The following FOXK1 variants were observed in gnomAD, a reference collection of about 807,000 sequenced individuals.
FOXK1 encodes forkhead box protein K1.
A neutral mutation model predicts 51.9 loss-of-function variants in FOXK1; 19 were observed. The observed-to-expected ratio is 0.37, with a 90% CI of 0.26 to 0.54. The LOEUF (loss-of-function observed/expected upper bound fraction) is 0.54. Among genes scored for constraint, FOXK1 ranks in the 20% least tolerant of loss-of-function variants. The pLI is 0.87. For synonymous variants in FOXK1, 537 were observed against 482.6 expected (o/e 1.11, Z -1.48); for missense variants, 870 against 1,032.7 (o/e 0.84, Z 2.16).
intron 1 of FOXK1, among the ~76,000 whole-genome samples, chr7:4,704,450 CAAAAAA>C (rs3050383): frequency 1.5e-5 from 1 of 66,476 alleles, no homozygotes; most frequent in Non-Finnish European, 3.1e-5. Flanking sequence ...GACTCTGTCT[CAAAAAA>C]AAAAAAAAAA....
chr7:4,698,983 C>T (rs1356595186), intron 1 of FOXK1, among the ~76,000 whole-genome samples: 1 of 152,158 alleles, frequency 6.6e-6, no homozygotes, highest in Non-Finnish European at 1.5e-5. Flanking sequence ...CCACTGTGCC[C>T]GGCCCACATA....
Position 4,733,244 on chromosome 7 carries a change from G to A in FOXK1, c.561-7594G>A, listed in dbSNP as rs1379333791. ...GGTTCTTGCTGTGTTGCCCAGGCTGGTTTCAAACTCCTGGGCTCAAGCAAT... is the reference window on the plus strand; with the variant it reads ...GGTTCTTGCTGTGTTGCCCAGGCTGATTTCAAACTCCTGGGCTCAAGCAAT... On this transcript the variant is annotated intron_variant, in intron 1 of 8. Coordinates refer to ENST00000328914, the MANE Select transcript of FOXK1 (RefSeq NM_001037165.2). This position sits in a 1 kb window ranked among gnomAD's most constrained non-coding sequence, Gnocchi z 5.0. 1.3e-4 allele frequency among the ~76,000 whole-genome samples: 20 copies of A among 151,704 alleles called. No homozygotes were observed. The highest frequency in any genetic ancestry group is 1.3e-3 in the Admixed American group (20 of 15,226).
At chr7:4,717,840 G>A (rs1458493555) in intron 1 of FOXK1, among the ~76,000 whole-genome samples, 1 of 152,190 alleles carries the variant, frequency 6.6e-6, no homozygotes, top group Non-Finnish European at 1.5e-5. Context: ...GGTGAAGACC[G>A]ACCACCGCCG....
chr7:4,728,812 G>A (rs1383994391), intron 1 of FOXK1, among the ~76,000 whole-genome samples: 1 of 151,970 alleles, frequency 6.6e-6, no homozygotes, highest in South Asian at 2.1e-4. Flanking sequence ...GGAATTCAAG[G>A]AAGGCTGCCT....
intron 1 of FOXK1, among the ~76,000 whole-genome samples, chr7:4,732,865 C>A (rs1780499485): frequency 6.6e-6 from 1 of 152,202 alleles, no homozygotes; most frequent in Non-Finnish European, 1.5e-5. Context: ...GTGCCTCTTT[C>A]CCATAGCGCA....
rs746020435 is a variant in FOXK1 at position 4,722,849 on chromosome 7, G to A, written c.561-17989G>A. Among the ~76,000 whole-genome samples the A allele has an allele frequency of 3.3e-5, 5 of 152,078 alleles. No individual in the cohort carries two copies. Among genetic ancestry groups the A allele is most frequent in the Admixed American group, 6.6e-5 (1 of 15,246 alleles). ...TGTGCACCTTCTCCATCCCTCTCTC[G>A]TTTGGGCTCCGGTTCCCGCAGAATT... On this transcript the variant is annotated intron_variant, in intron 1 of 8. Coordinates refer to ENST00000328914, the MANE Select transcript of FOXK1 (RefSeq NM_001037165.2). The surrounding 1 kb of genome is among the most constrained non-coding windows in gnomAD (Gnocchi z 5.1).
chr7:4,757,175 C>A lies in FOXK1; in HGVS notation c.1232C>A (p.Pro411His). ...GVSCFRTPFG[P>H]LSSRSAPASP... ...TCCTGCTTCCGCACCCCCTTCGGGC[C>A]TCTGTCCTCAAGGTAAAGTTCTCTG... is the stretch of plus-strand genomic sequence containing the variant. Residue 411 changes from proline to histidine, a missense_variant, in exon 5 of 9, where the codon CCT becomes CAT. Pro to His is a moderately conservative substitution (Grantham distance 77). This residue lies in a region of FOXK1 where 457 missense variants were observed against 510.8 expected (regional missense o/e 0.89). Transcript: ENST00000328914. 1 of 1,606,602 alleles carries A rather than the reference C, an allele frequency of 6.2e-7. No homozygotes were observed. The highest frequency in any genetic ancestry group is 2.1e-4 in the Middle Eastern group (1 of 4,680).
chr7:4,710,990 A>C (rs990343033), intron 1 of FOXK1, among the ~76,000 whole-genome samples: 2 of 152,200 alleles, frequency 1.3e-5, no homozygotes, highest in African/African-American at 4.8e-5. Context: ...GGTTCTGGGA[A>C]GCCCCATCAC....
intron 1 of FOXK1, among the ~76,000 whole-genome samples, chr7:4,724,977 AGAG>A (rs1251195944): frequency 1.3e-5 from 2 of 152,182 alleles, no homozygotes; most frequent in Admixed American, 6.5e-5. Context: ...GGGGACAGGG[AGAG>A]GAGAAGTGGG....
chr7:4,752,329 A>T (rs1780790227), intron 2 of FOXK1, among the ~76,000 whole-genome samples: 1 of 151,748 alleles, frequency 6.6e-6, no homozygotes, highest in South Asian at 2.1e-4. Flanking sequence ...ATTTTTGTAG[A>T]GATGGGGGTG....
At chr7:4,746,936 C>A (rs1162458726) in intron 2 of FOXK1, among the ~76,000 whole-genome samples, 1 of 152,208 alleles carries the variant, frequency 6.6e-6, no homozygotes, top group African/African-American at 2.4e-5. Context: ...TGTCTTTTCC[C>A]AGCTGAGAAC....
chr7:4,737,319 G>A (rs1780565628), intron 1 of FOXK1, among the ~76,000 whole-genome samples: 1 of 152,208 alleles, frequency 6.6e-6, no homozygotes, highest in Non-Finnish European at 1.5e-5. Context: ...GATTTGCAGT[G>A]GTTGAGGGAA....
chr7:4,705,542 T>A (rs1430985959), intron 1 of FOXK1, among the ~76,000 whole-genome samples: 1 of 147,384 alleles, frequency 6.8e-6, no homozygotes, highest in Non-Finnish European at 1.5e-5. Flanking sequence ...TCTCTCTCTC[T>A]CTCTCTCTCT....
In FOXK1 at chr7:4,735,423, C is replaced by G. The variant is rs1039311159; in HGVS notation, c.561-5415C>G. The stretch of plus-strand genomic sequence containing the variant: ...TCCAGTCCGTGGTTTTCAGCGCATT[C>G]GCAGAGTTGCGCGGCCACCAAGTCA... On this transcript the variant is annotated intron_variant, in intron 1 of 8. Coordinates refer to ENST00000328914, the MANE Select transcript of FOXK1 (RefSeq NM_001037165.2). The surrounding 1 kb of genome is among the most constrained non-coding windows in gnomAD (Gnocchi z 4.7). Among the ~76,000 whole-genome samples the G allele has an allele frequency of 1.3e-5, 2 of 152,206 alleles. No individual in the cohort carries two copies. Among genetic ancestry groups the G allele is most frequent in the Non-Finnish European group, 2.9e-5 (2 of 68,048 alleles).
In FOXK1 at chr7:4,735,342, A is replaced by G. The variant is rs573270240; in HGVS notation, c.561-5496A>G. On this transcript the variant is annotated intron_variant, in intron 1 of 8. Coordinates refer to ENST00000328914, the MANE Select transcript of FOXK1 (RefSeq NM_001037165.2). The surrounding 1 kb of genome is among the most constrained non-coding windows in gnomAD (Gnocchi z 4.7). Reference sequence around the variant, plus strand: ...AGCTTTTGGGCAAGAATTCTCCCCAAAAACAGCTTGCCTGAGATCGACTGC... The same window carrying G: ...AGCTTTTGGGCAAGAATTCTCCCCAGAAACAGCTTGCCTGAGATCGACTGC... 2.0e-5 allele frequency among the ~76,000 whole-genome samples: 3 copies of G among 152,304 alleles called. 1 individual carries two copies. The East Asian group carries it at 5.8e-4, about 29-fold the overall frequency.
rs775099211 is a variant in FOXK1 at position 4,704,834 on chromosome 7, C to CTTTTTTTTTTTTTTTTT, written c.560+21981_560+21982insTTTTTTTTTTTTTTTTT. Among the ~76,000 whole-genome samples the CTTTTTTTTTTTTTTTTT allele has an allele frequency of 4.7e-4, 62 of 131,378 alleles. 9 individuals carry two copies. Among genetic ancestry groups the CTTTTTTTTTTTTTTTTT allele is most frequent in the African/African-American group, 1.9e-3 (60 of 31,070 alleles). The allele number at this position is 131,378 out of a possible 152,430, so 86.2% of individuals were successfully genotyped here. A position where few individuals can be genotyped will look rare whatever the true frequency, so the allele number is the denominator to read the frequency against. Reference sequence around the variant, plus strand: ...CTCCCAAACCAATCTATGTTTCATTCTTTTTTTTTTTTTTTGAGAAAAAGT... The same window carrying CTTTTTTTTTTTTTTTTT: ...CTCCCAAACCAATCTATGTTTCATTCTTTTTTTTTTTTTTTTTTTTTTTTTTTTTTTTGAGAAAAAGT... On this transcript the variant is annotated intron_variant, in intron 1 of 8. Coordinates refer to ENST00000328914, the MANE Select transcript of FOXK1 (RefSeq NM_001037165.2).
In FOXK1 at chr7:4,766,219, C is replaced by G. The variant is rs745976747; in HGVS notation, c.*3755C>G. ...ACCTCAACGTTAATCCCTCACCAGT[C>G]GGGCCGAGTGTGGCCTCATGGTTCT... On this transcript the variant is annotated 3_prime_UTR_variant, in exon 9 of 9. Transcript: ENST00000328914. The surrounding 1 kb of genome is among the most constrained non-coding windows in gnomAD (Gnocchi z 5.5). The G allele has an allele frequency of 6.6e-6, 1 of 152,204 alleles. No individual in the cohort carries two copies. Among genetic ancestry groups the G allele is most frequent in the East Asian group, 1.9e-4 (1 of 5,180 alleles). 9.4% of individuals were successfully genotyped at this position (152,204 alleles called of 1,614,324 possible).
Position 4,735,467 on chromosome 7 carries a change from G to A in FOXK1, c.561-5371G>A, listed in dbSNP as rs1780540366. Among the ~76,000 whole-genome samples the A allele has an allele frequency of 6.6e-6, 1 of 152,136 alleles. No homozygotes were observed. Among genetic ancestry groups the A allele is most frequent in the Non-Finnish European group, 1.5e-5 (1 of 68,040 alleles). On this transcript the variant is annotated intron_variant, in intron 1 of 8. Transcript: ENST00000328914. The surrounding 1 kb of genome is among the most constrained non-coding windows in gnomAD (Gnocchi z 4.7). ...CAAGTCAACTTCGGAACATTTTCCT[G>A]ACTCTAGAAAGAACCCCCTAGCTCT... is the stretch of plus-strand genomic sequence containing the variant.
Position 4,761,381 on chromosome 7 carries a change from G to C in FOXK1, c.1921+93G>C, listed in dbSNP as rs151247646. 2 of 1,231,222 alleles carry C rather than the reference G, an allele frequency of 1.6e-6. No homozygotes were observed. The highest frequency in any genetic ancestry group is 2.0e-5 in the Admixed American group (1 of 49,680). 76.3% of individuals were successfully genotyped at this position (1,231,222 alleles called of 1,614,324 possible). ...TGAGAATGTTCTCCCAGTATCTCCC[G>C]ATCCTCCACTCAGTTCAATTTATTG... On this transcript the variant is annotated intron_variant, in intron 8 of 8. Transcript: ENST00000328914. This position sits in a 1 kb window ranked among gnomAD's most constrained non-coding sequence, Gnocchi z 6.2.
Sources: gnomAD v4.1 joint callset for allele counts (sites outside exome capture counted in the v4.1 genomes callset) on GRCh38, gnomAD v4.1.1 for gene constraint, gnomAD v4.1.1 regional missense constraint, Gnocchi (gnomAD v3.1) non-coding constraint, MANE v1.5 for transcripts, NCBI Gene and HGNC (gene_info 2026-07-23, HGNC 2026-07-21) for gene names.